DOCK4: variants seen among roughly 807,000 people sequenced by gnomAD.
DOCK4 encodes the protein dedicator of cytokinesis 4, also known as dedicator of cytokinesis protein 4.
Under a neutral mutation model 268.1 loss-of-function variants are expected in DOCK4, and 97 were observed. The ratio of observed to expected loss-of-function variants is 0.36; its 90% confidence interval spans 0.31 to 0.43. The LOEUF is 0.43. Ranked by LOEUF, DOCK4 falls within the 20% of genes least tolerant of loss-of-function variation. The pLI, the probability that DOCK4 is intolerant of heterozygous loss-of-function variation, is 1.00. For synonymous variants in DOCK4, 954 were observed against 887.2 expected (o/e 1.08, Z -1.34); for missense variants, 2,145 against 2,455.7 (o/e 0.87, Z 2.67).
rs570838701 is a variant in DOCK4, at chr7:111,982,004, T to C, written c.549+2302A>G. ...AAATATATTTGTGTCACATCAGTTA[T>C]TTATCTGATACCTGACATACTCAAC... On this transcript the variant is annotated intron_variant, in intron 7 of 52. Coordinates refer to ENST00000428084, the MANE Select transcript of DOCK4 (RefSeq NM_001363540.2). Among the ~76,000 whole-genome samples the C allele has an allele frequency of 1.1e-4, 17 of 152,338 alleles. No individual in the cohort carries two copies. In the East Asian group the frequency reaches 3.3e-3, roughly 29 times the overall value.
chr7:111,922,208 G>A (rs1793198991), intron 12 of DOCK4, among the ~76,000 whole-genome samples: 2 of 152,078 alleles, frequency 1.3e-5, no homozygotes, highest in Admixed American at 1.3e-4. Context: ...CAGGAGGAGA[G>A]GTTATATTGC....
intron 1 of DOCK4, among the ~76,000 whole-genome samples, chr7:112,065,455 T>C (rs1431322043): frequency 6.6e-6 from 1 of 151,550 alleles, no homozygotes; most frequent in Non-Finnish European, 1.5e-5. Flanking sequence ...TTATTTTTAT[T>C]TACTTGTTAT....
At position 111,786,003 on chromosome 7, in the gene DOCK4, C is replaced by T. The variant is rs533409402; in HGVS notation, c.3402-1880G>A. On this transcript the variant is annotated intron_variant, in intron 32 of 52. Coordinates refer to ENST00000428084, the MANE Select transcript of DOCK4 (RefSeq NM_001363540.2). ...CTCTCTCGGTATCATAATGGGGTTA[C>T]GTAGAAGTCATCACTCTAATATATA... Among the ~76,000 whole-genome samples the T allele has an allele frequency of 5.9e-5, 9 of 152,198 alleles. No individual in the cohort carries two copies. The South Asian group carries it at 1.5e-3, about 25-fold the overall frequency.
chr7:111,772,770 T>G (rs2133694844), intron 36 of DOCK4, among the ~76,000 whole-genome samples: 1 of 152,254 alleles, frequency 6.6e-6, no homozygotes, highest in East Asian at 1.9e-4. Context: ...CACTCCAGCC[T>G]GGGCAACAAG....
chr7:112,098,790 C>G (rs1810397862), intron 1 of DOCK4, among the ~76,000 whole-genome samples: 1 of 149,126 alleles, frequency 6.7e-6, no homozygotes, highest in Non-Finnish European at 1.5e-5. Context: ...TAATTTATAT[C>G]TAAATTATAT....
chr7:111,932,010 C>T (rs1334714533), intron 12 of DOCK4, among the ~76,000 whole-genome samples: 3 of 152,166 alleles, frequency 2.0e-5, no homozygotes, highest in Admixed American at 1.3e-4. Context: ...GAATCCTGAC[C>T]TTTAACGCAG....
At chr7:111,799,965 T>C (rs1800153379) in intron 30 of DOCK4, among the ~76,000 whole-genome samples, 1 of 152,190 alleles carries the variant, frequency 6.6e-6, no homozygotes, top group African/African-American at 2.4e-5. Context: ...GGTTGTAAAA[T>C]TCTAATTGCT....
intron 23 of DOCK4, among the ~76,000 whole-genome samples, chr7:111,860,356 AGATGGGCTCCTTCTT>A (rs1333613449): frequency 1.3e-5 from 2 of 152,198 alleles, no homozygotes; most frequent in African/African-American, 2.4e-5. Flanking sequence ...TTCCCCATGA[AGATGGGCTCCTTCTT>A]GATGTGTTCT....
At chr7:112,122,513 C>T (rs1000526732) in intron 1 of DOCK4, among the ~76,000 whole-genome samples, 2 of 152,050 alleles carry the variant, frequency 1.3e-5, no homozygotes, top group Non-Finnish European at 2.9e-5. Context: ...TCAAGCAATC[C>T]ACACACCTTG....
intron 1 of DOCK4, among the ~76,000 whole-genome samples, chr7:112,150,017 A>G (rs1197681684): frequency 6.6e-6 from 1 of 152,204 alleles, no homozygotes; most frequent in Admixed American, 6.5e-5. Flanking sequence ...AATCCTTCCA[A>G]AAGCACTTTG....
intron 52 of DOCK4, 144 bp from the exon 53 acceptor site, chr7:111,728,864 G>GTGAT: frequency 1.4e-6 from 1 of 737,254 alleles, no homozygotes; most frequent in East Asian, 2.7e-5. Context: ...CTTTAAGGAG[G>GTGAT]TGATTAAGGT....
At chr7:111,885,229 G>A (rs1358744311) in intron 16 of DOCK4, among the ~76,000 whole-genome samples, 3 of 152,210 alleles carry the variant, frequency 2.0e-5, no homozygotes, top group Non-Finnish European at 2.9e-5. Context: ...AACTGCAGAT[G>A]TGAGATTCTT....
chr7:112,192,610 T>C (rs1011403126), intron 1 of DOCK4, among the ~76,000 whole-genome samples: 2 of 152,230 alleles, frequency 1.3e-5, no homozygotes, highest in Non-Finnish European at 2.9e-5. Context: ...TGATACTTTA[T>C]GTACTCCCTT....
In DOCK4 at chr7:111,728,335, G is replaced by A. The variant is rs760387414; in HGVS notation, c.5867C>T (p.Ala1956Val). The A allele has an allele frequency of 6.6e-7, 1 of 1,519,004 alleles. No homozygotes were observed. Among genetic ancestry groups the A allele is most frequent in the Non-Finnish European group, 8.8e-7 (1 of 1,135,960 alleles). The allele number at this position is 1,519,004 out of a possible 1,614,324, so 94.1% of individuals were successfully genotyped here. Residue 1956 changes from alanine to valine, a missense_variant, in exon 53 of 53, where the codon GCC becomes GTC. By Grantham distance (64) the Ala-to-Val change is moderately conservative. This residue lies in a region of DOCK4 where 547 missense variants were observed against 469.0 expected (regional missense o/e 1.17). Transcript: ENST00000428084. Reference protein sequence around the residue: ...AARSSHLENGARRTDPGPRPR... With the variant: ...AARSSHLENGVRRTDPGPRPR... ...CCGCGGGCCGGGGTCAGTCCTCCGG[G>A]CCCCATTCTCCAGGTGGCTGGATCG... is the stretch of plus-strand genomic sequence containing the variant.
intron 1 of DOCK4, among the ~76,000 whole-genome samples, chr7:112,135,551 T>A (rs62474352): frequency 1.1e-3 from 161 of 152,300 alleles, no homozygotes; most frequent in Admixed American, 4.3e-3. Flanking sequence ...TCTATCTCCT[T>A]TAATCAACAG....
At chr7:112,074,630 G>A (rs1807898612) in intron 1 of DOCK4, among the ~76,000 whole-genome samples, 1 of 152,170 alleles carries the variant, frequency 6.6e-6, no homozygotes, top group Non-Finnish European at 1.5e-5. Context: ...TTGTCTGTCT[G>A]TGGTTCCTGT....
intron 1 of DOCK4, among the ~76,000 whole-genome samples, chr7:112,093,450 G>A (rs980983103): frequency 6.6e-6 from 1 of 151,992 alleles, no homozygotes; most frequent in Non-Finnish European, 1.5e-5. Context: ...CATTTAAAGG[G>A]GGGGGGAAAC....
At chr7:112,084,709 A>T (rs1268709601) in intron 1 of DOCK4, among the ~76,000 whole-genome samples, 1 of 152,128 alleles carries the variant, frequency 6.6e-6, no homozygotes, top group East Asian at 1.9e-4. Flanking sequence ...TTTCTTAGAA[A>T]ATCTCCCTTC....
intron 6 of DOCK4, among the ~76,000 whole-genome samples, chr7:111,988,512 T>A (rs1029780046): frequency 6.6e-6 from 1 of 152,152 alleles, no homozygotes; most frequent in Non-Finnish European, 1.5e-5. Context: ...CTCCTCAAAG[T>A]AGCTAATGTG....
Sources: gnomAD v4.1 joint callset for allele counts (sites outside exome capture counted in the v4.1 genomes callset) on GRCh38, gnomAD v4.1.1 for gene constraint, gnomAD v4.1.1 regional missense constraint, MANE v1.5 for transcripts, NCBI Gene and HGNC (gene_info 2026-07-23, HGNC 2026-07-21) for gene names.